The following TNXB variants were observed in gnomAD, a reference collection of about 807,000 sequenced individuals.
TNXB encodes tenascin-X.
In TNXB, 183 loss-of-function variants were observed where a neutral mutation model predicts 340.5. The observed-to-expected ratio is 0.54, with a 90% confidence interval of 0.48 to 0.61. The LOEUF is 0.61. Among genes scored for constraint, TNXB ranks in the 20% least tolerant of loss-of-function variants. TNXB has a pLI of 0.00. For missense variants in TNXB, 4,613 were observed against 5,446.4 expected, an observed-to-expected ratio of 0.85 and a Z score of 4.82; for synonymous variants, 2,121 against 2,314.5, an observed-to-expected ratio of 0.92 and a Z score of 2.40.
In TNXB at chr6:32,107,474, C is replaced by A. The variant is rs546098628; in HGVS notation, c.-9+1707G>T. Among the ~76,000 whole-genome samples, 14 of 152,244 alleles carry A rather than the reference C, an allele frequency of 9.2e-5. No individual in the cohort carries two copies. The East Asian group carries it at 1.4e-3, about 15-fold the overall frequency. On this transcript the variant is annotated intron_variant, in intron 1 of 43. Coordinates refer to ENST00000644971, the MANE Select transcript of TNXB (RefSeq NM_001365276.2). ...TCCTGGGATAATTCTGCTCTTCTCT[C>A]GGTACTGGGCAAGCAAAGAATTGGG...
At chr6:32,057,924 A>G (rs1225547454) in intron 22 of TNXB, 134 bp downstream of exon 22, 3 of 1,152,810 alleles carry the variant, frequency 2.6e-6, no homozygotes, top group African/African-American at 3.1e-5. Flanking sequence ...TCTCCATGAC[A>G]TGTCTTTCCA....
At position 32,097,670 on chromosome 6, in the gene TNXB, G is replaced by T; in HGVS notation, c.403+126C>A. The T allele has an allele frequency of 8.2e-7, 1 of 1,216,014 alleles. No homozygotes were observed. The highest frequency in any genetic ancestry group is 1.1e-6 in the Non-Finnish European group (1 of 898,986). The allele number at this position is 1,216,014 out of a possible 1,614,324, so 75.3% of individuals were successfully genotyped here. Reference sequence around the variant, plus strand: ...GCTCTGCTCTCCAAGTTGTGTTCTGGGCTGCATCCACACCCCTCATGGTGA... The same window carrying T: ...GCTCTGCTCTCCAAGTTGTGTTCTGTGCTGCATCCACACCCCTCATGGTGA... On this transcript the variant is annotated intron_variant, in intron 2 of 43. Coordinates refer to ENST00000644971, the MANE Select transcript of TNXB (RefSeq NM_001365276.2). This position sits in a 1 kb window ranked among gnomAD's most constrained non-coding sequence, Gnocchi z 5.9.
Position 32,072,235 on chromosome 6 carries a change from T to A in TNXB, c.4745A>T (p.Glu1582Val), listed in dbSNP as rs1009885940. 6.2e-7 allele frequency: 1 copy of A among 1,610,670 alleles called. No individual in the cohort carries two copies. The highest frequency in any genetic ancestry group is 2.2e-5 in the East Asian group (1 of 44,864). ...AGGGGTTATATCCGTCACTGTCAGC[T>A]CCCCTAGGCGTGGCTCCAGGGGAGG... Reference protein sequence around the residue: ...SKPPLEPRLGELTVTDITPDS... With the variant: ...SKPPLEPRLGVLTVTDITPDS... Residue 1582 changes from glutamate to valine, a missense_variant, in exon 13 of 44, where the codon GAG (glutamate) becomes GTG (valine). Coordinates refer to ENST00000644971, the MANE Select transcript of TNXB (RefSeq NM_001365276.2). The surrounding 1 kb of genome is among the most constrained non-coding windows in gnomAD (Gnocchi z 4.4).
In TNXB at chr6:32,061,222, G is replaced by T. The variant is rs1777984741; in HGVS notation, c.7492+175C>A. On this transcript the variant is annotated intron_variant, in intron 21 of 43. Transcript: ENST00000644971. The surrounding 1 kb of genome is among the most constrained non-coding windows in gnomAD (Gnocchi z 4.4). ...ATCAGTGGTTGACCATTAGAGGGAG[G>T]CCACGCCAAAGTGAACAAGCAAACC... Among the ~76,000 whole-genome samples, 1 of 151,774 alleles carries T rather than the reference G, an allele frequency of 6.6e-6. No individual in the cohort carries two copies. The highest frequency in any genetic ancestry group is 2.4e-5 in the African/African-American group (1 of 41,078).
At chr6:32,106,905 C>A (rs1343616482) in intron 1 of TNXB, among the ~76,000 whole-genome samples, 2 of 152,252 alleles carry the variant, frequency 1.3e-5, no homozygotes. Flanking sequence ...TGCTCATCCA[C>A]AAGTACAAAC....
At chr6:32,078,942 G>T (rs903660435) in intron 11 of TNXB, 91 bp downstream of exon 11, 5 of 1,380,184 alleles carry the variant, frequency 3.6e-6, no homozygotes, top group Non-Finnish European at 4.9e-6. Context: ...CAGCCTCAAG[G>T]TTCCACTGGA....
At position 32,042,504 on chromosome 6, in the gene TNXB, C is replaced by G. The variant is rs750503667; in HGVS notation, c.12161G>C (p.Arg4054Pro). 12 of 1,612,706 alleles carry G rather than the reference C, an allele frequency of 7.4e-6. No homozygotes were observed. Among genetic ancestry groups the G allele is most frequent in the Non-Finnish European group, 9.3e-6 (11 of 1,179,986 alleles). Residue 4054 changes from arginine to proline, a missense_variant, in exon 40 of 44, where the codon CGG becomes CCG. Physicochemically the swap from Arg to Pro is moderately radical, Grantham distance 103. Transcript: ENST00000644971. ...STIFLNGNRE[R>P]PLNVFCDMET... ...CATGTCGCAAAACACGTTCAGGGGC[C>G]GCTCGCGGTTGCCGTTGAGGAAGAT... is the stretch of plus-strand genomic sequence containing the variant.
Position 32,042,030 on chromosome 6 carries a change from C to T in TNXB, c.12451G>A (p.Gly4151Ser), listed in dbSNP as rs1776447447. The T allele has an allele frequency of 3.7e-6, 2 of 540,158 alleles. No homozygotes were observed. The highest frequency in any genetic ancestry group is 6.4e-6 in the Non-Finnish European group (2 of 313,538). The allele number at this position is 540,158 out of a possible 1,614,324, so 33.5% of individuals were successfully genotyped here. A position where few individuals can be genotyped will look rare whatever the true frequency, so the allele number is the denominator to read the frequency against. ...TGCTTACCTGCGGTGCCGTGGTAGC[C>T]CTCCAAGTGGAGGCGGTAGTACTCC... The part of the protein sequence containing the change: ...AAEYYRLHLE[G>S]YHGTAGDSMS... Residue 4151 changes from glycine to serine, a missense_variant, in exon 42 of 44, where the codon GGC becomes AGC. By Grantham distance (56) the Gly-to-Ser change is moderately conservative. This residue lies in a region of TNXB where 121 missense variants were observed against 177.4 expected (regional missense o/e 0.68). Transcript: ENST00000644971.
In TNXB at chr6:32,051,234, C is replaced by T. The variant is rs1160329614; in HGVS notation, c.9116-913G>A. 1.3e-5 allele frequency among the ~76,000 whole-genome samples: 2 copies of T among 152,228 alleles called. No individual in the cohort carries two copies. Among genetic ancestry groups the T allele is most frequent in the Non-Finnish European group, 2.9e-5 (2 of 68,040 alleles). ...GGTAGGGTGGTTTAGGTATTCCTGC[C>T]TGGCTCTGGGCTTCTTGTCACATGC... On this transcript the variant is annotated intron_variant, in intron 26 of 43. Coordinates refer to ENST00000644971, the MANE Select transcript of TNXB (RefSeq NM_001365276.2). This position sits in a 1 kb window ranked among gnomAD's most constrained non-coding sequence, Gnocchi z 4.7.
intron 11 of TNXB, among the ~76,000 whole-genome samples, chr6:32,076,688 G>A (rs1311244871): frequency 2.0e-5 from 3 of 152,186 alleles, no homozygotes; most frequent in African/African-American, 7.2e-5. Context: ...AGTTTTTCAA[G>A]ATCATACAGC....
intron 24 of TNXB, among the ~76,000 whole-genome samples, chr6:32,055,457 A>G (rs1777565903): frequency 6.6e-6 from 1 of 152,186 alleles, no homozygotes; most frequent in African/African-American, 2.4e-5. Flanking sequence ...GTGGGCTTCC[A>G]GAGTGTGCAG....
intron 1 of TNXB, among the ~76,000 whole-genome samples, chr6:32,101,224 T>C (rs969183774): frequency 3.3e-5 from 5 of 152,160 alleles, no homozygotes; most frequent in Non-Finnish European, 5.9e-5. Flanking sequence ...TTATTTTACC[T>C]GGGCTCAAGT....
rs34214527 is a variant in TNXB at position 32,046,679 on chromosome 6, C to T, written c.10325-223G>A. The T allele has an allele frequency of 0.09, 42,057 of 466,952 alleles. 2,429 individuals are homozygous for T. The highest frequency in any genetic ancestry group is 0.19 in the African/African-American group (9,731 of 52,208). The allele number at this position is 466,952 out of a possible 1,614,324, so 28.9% of individuals were successfully genotyped here. On this transcript the variant is annotated intron_variant, in intron 30 of 43. Coordinates refer to ENST00000644971, the MANE Select transcript of TNXB (RefSeq NM_001365276.2). This position sits in a 1 kb window ranked among gnomAD's most constrained non-coding sequence, Gnocchi z 6.9. ...CTGCTGCCCAAACTCCTTCCTGCCC[C>T]GCCCCTTCCCTGCTGTGATCGAGGA...
chr6:32,107,808 C>A (rs992047232), intron 1 of TNXB, among the ~76,000 whole-genome samples: 3 of 151,946 alleles, frequency 2.0e-5, no homozygotes, highest in African/African-American at 7.3e-5. Flanking sequence ...TCCCTCTGAC[C>A]CTCCTGCTAC....
At chr6:32,101,074 T>C (rs1475092940) in intron 1 of TNXB, among the ~76,000 whole-genome samples, 14 of 51,606 alleles carry the variant, frequency 2.7e-4, no homozygotes, top group African/African-American at 9.4e-4. Flanking sequence ...TGAAACTCCA[T>C]CTCAAAAAAA....
Position 32,081,281 on chromosome 6 carries a change from A to G in TNXB, c.4042+87T>C. On this transcript the variant is annotated intron_variant, in intron 10 of 43. Transcript: ENST00000644971. The surrounding 1 kb of genome is among the most constrained non-coding windows in gnomAD (Gnocchi z 5.1). ...GGCAAAATGAGCTGAGAAGGCGAAG[A>G]TGGAGGGAGGCTGGAAGGAGCCCCA... 1 of 1,350,254 alleles carries G rather than the reference A, an allele frequency of 7.4e-7. No individual in the cohort carries two copies. The highest frequency in any genetic ancestry group is 1.4e-5 in the South Asian group (1 of 69,588). 83.6% of individuals were successfully genotyped at this position (1,350,254 alleles called of 1,614,324 possible). A position where few individuals can be genotyped will look rare whatever the true frequency, so the allele number is the denominator to read the frequency against.
In TNXB at chr6:32,048,621, G is replaced by A. The variant is rs1209829098; in HGVS notation, c.9787C>T (p.Pro3263Ser). The A allele has an allele frequency of 6.6e-7, 1 of 1,519,940 alleles. No individual in the cohort carries two copies. The highest frequency in any genetic ancestry group is 8.9e-7 in the Non-Finnish European group (1 of 1,126,942). The allele number at this position is 1,519,940 out of a possible 1,614,324, so 94.2% of individuals were successfully genotyped here. A position where few individuals can be genotyped will look rare whatever the true frequency, so the allele number is the denominator to read the frequency against. Residue 3263 changes from proline (P) to serine (S), a missense_variant, in exon 29 of 44, where the codon CCC (proline) becomes TCC (serine). Around this residue, in one of 7 missense-constraint regions of TNXB, gnomAD observed 4,327 missense variants for 4,859.4 expected, o/e 0.89. Coordinates refer to ENST00000644971, the MANE Select transcript of TNXB (RefSeq NM_001365276.2). Reference protein sequence around the residue: ...APLPTPLPVEPRLGELAVAAV... With the variant: ...APLPTPLPVESRLGELAVAAV... ...GCCACCGCCAGCTCCCCCAGGCGGG[G>A]CTCCACCGGCAGTGGTGTGGGCAGG...
At position 32,072,134 on chromosome 6, in the gene TNXB, C is replaced by T. The variant is rs751491483; in HGVS notation, c.4846G>A (p.Gly1616Arg). ...SFVVQYKDRD[G>R]QPQVVPVAAD... ...GCCACGGGCACCACCTGGGGCTGCC[C>T]GTCCCTGTCCTTGTACTGAACCACA... Residue 1616 changes from glycine (G) to arginine (R), a missense_variant, in exon 13 of 44, where the codon GGG becomes AGG. Around this residue, in one of 7 missense-constraint regions of TNXB, gnomAD observed 4,327 missense variants for 4,859.4 expected, o/e 0.89. Transcript: ENST00000644971. This position sits in a 1 kb window ranked among gnomAD's most constrained non-coding sequence, Gnocchi z 4.4. The T allele has an allele frequency of 2.3e-5, 37 of 1,613,140 alleles. No homozygotes were observed. Among genetic ancestry groups the T allele is most frequent in the Admixed American group, 8.3e-5 (5 of 59,948 alleles).
Position 32,053,621 on chromosome 6 carries a change from G to A in TNXB, c.8558C>T (p.Thr2853Ile). ...NKPRLGELTV[T>I]DATPDSLSLS... ...GCTGAGGGAGTCAGGGGTGGCATCT[G>A]TCACGGTCAGCTCCCCGAGGCGAGG... Residue 2853 changes from threonine to isoleucine, a missense_variant, in exon 25 of 44, where the codon ACA (threonine) becomes ATA (isoleucine). Around this residue, in one of 7 missense-constraint regions of TNXB, gnomAD observed 4,327 missense variants for 4,859.4 expected, o/e 0.89. Transcript: ENST00000644971. The A allele has an allele frequency of 6.2e-7, 1 of 1,613,582 alleles. No homozygotes were observed. Among genetic ancestry groups the A allele is most frequent in the Non-Finnish European group, 8.5e-7 (1 of 1,179,838 alleles).
Sources: gnomAD v4.1 joint callset for allele counts (sites outside exome capture counted in the v4.1 genomes callset) on GRCh38, gnomAD v4.1.1 for gene constraint, gnomAD v4.1.1 regional missense constraint, Gnocchi (gnomAD v3.1) non-coding constraint, MANE v1.5 for transcripts, NCBI Gene and HGNC (gene_info 2026-07-23, HGNC 2026-07-21) for gene names.